The following ZNF804A variants were observed in gnomAD, a reference collection of about 807,000 sequenced individuals.
The protein encoded by ZNF804A is zinc finger protein 804A.
In ZNF804A, 2 loss-of-function variants were observed where a neutral mutation model predicts 16.5. That is an observed-to-expected ratio of 0.12 (90% CI 0.05 to 0.38). The LOEUF (loss-of-function observed/expected upper bound fraction) is 0.38, where lower values mean the gene tolerates loss of function less well. ZNF804A is among the 10% of genes least tolerant of loss of function. ZNF804A has a pLI of 0.99. For synonymous variants in ZNF804A, 534 were observed against 489.6 expected (o/e 1.09, Z -1.20); for missense variants, 1,473 against 1,390.7 (o/e 1.06, Z -0.94).
intron 1 of ZNF804A, among the ~76,000 whole-genome samples, chr2:184,601,789 T>G (rs555225469): frequency 6.6e-6 from 1 of 151,952 alleles, no homozygotes; most frequent in African/African-American, 2.4e-5. Context: ...AACATAAAAT[T>G]ACTCAGTGAA....
At chr2:184,933,444 A>G (rs1028225107) in intron 2 of ZNF804A, among the ~76,000 whole-genome samples, 159 bp from the exon 3 acceptor site, 2 of 152,218 alleles carry the variant, frequency 1.3e-5, no homozygotes, top group Non-Finnish European at 2.9e-5. Flanking sequence ...CCAAAATGCG[A>G]GAAAATATTT....
chr2:184,621,405 C>G (rs1160666398), intron 1 of ZNF804A, among the ~76,000 whole-genome samples: 2 of 151,566 alleles, frequency 1.3e-5, no homozygotes, highest in African/African-American at 2.4e-5. Flanking sequence ...ATCCATGTAT[C>G]CATATTTCTA....
intron 2 of ZNF804A, among the ~76,000 whole-genome samples, chr2:184,905,155 TAACTG>T (rs1168730548): frequency 6.6e-6 from 1 of 152,010 alleles, no homozygotes; most frequent in Non-Finnish European, 1.5e-5. Flanking sequence ...ACCAAGTCAG[TAACTG>T]AACACATAAA....
At chr2:184,654,912 G>A (rs1692049473) in intron 1 of ZNF804A, among the ~76,000 whole-genome samples, 1 of 152,110 alleles carries the variant, frequency 6.6e-6, no homozygotes, top group Non-Finnish European at 1.5e-5. Context: ...TCCTTATGGT[G>A]ATGTACCTTG....
At chr2:184,645,695 G>T (rs1031901164) in intron 1 of ZNF804A, among the ~76,000 whole-genome samples, 5 of 152,146 alleles carry the variant, frequency 3.3e-5, no homozygotes, top group Non-Finnish European at 7.4e-5. Context: ...AAAGATGGGG[G>T]ATTAGAGGCT....
chr2:184,795,959 T>TA (rs550136422), intron 1 of ZNF804A, among the ~76,000 whole-genome samples: 14 of 152,220 alleles, frequency 9.2e-5, no homozygotes, highest in Middle Eastern at 3.4e-3. Context: ...GCTTTTTTTT[T>TA]ACATCTATTG....
intron 1 of ZNF804A, among the ~76,000 whole-genome samples, chr2:184,836,588 T>C (rs977200292): frequency 2.6e-5 from 4 of 152,038 alleles, no homozygotes; most frequent in Admixed American, 6.6e-5. Flanking sequence ...AATTGTGTTC[T>C]TAAAATCAAT....
At chr2:184,801,040 G>T (rs1293951172) in intron 1 of ZNF804A, among the ~76,000 whole-genome samples, 1 of 151,834 alleles carries the variant, frequency 6.6e-6, no homozygotes, top group African/African-American at 2.4e-5. Context: ...TTTTTATACT[G>T]TTGAGAATGT....
intron 1 of ZNF804A, among the ~76,000 whole-genome samples, chr2:184,726,267 C>A (rs1693407967): frequency 6.6e-6 from 1 of 151,578 alleles, no homozygotes. Flanking sequence ...TGAGTTTATC[C>A]ACATAAGTTT....
In ZNF804A at chr2:184,939,140, A is replaced by C; in HGVS notation, c.*114A>C. ...CTGGTGGAAATAAACTGGCCGATAC[A>C]TGGCGTCATTGGTTTGAAATCATTT... On this transcript the variant is annotated 3_prime_UTR_variant, in exon 4 of 4. Transcript: ENST00000302277. 7.5e-7 allele frequency: 1 copy of C among 1,330,926 alleles called. No individual in the cohort carries two copies. The highest frequency in any genetic ancestry group is 1.0e-6 in the Non-Finnish European group (1 of 975,156). 82.4% of individuals were successfully genotyped at this position (1,330,926 alleles called of 1,614,324 possible).
At chr2:184,906,960 T>C (rs1336042224) in intron 2 of ZNF804A, among the ~76,000 whole-genome samples, 1 of 152,136 alleles carries the variant, frequency 6.6e-6, no homozygotes, top group East Asian at 1.9e-4. Context: ...CAGCATGCAG[T>C]AGATAAGGGA....
chr2:184,691,568 C>T (rs1692725734), intron 1 of ZNF804A, among the ~76,000 whole-genome samples: 1 of 151,658 alleles, frequency 6.6e-6, no homozygotes, highest in African/African-American at 2.4e-5. Flanking sequence ...TCAGCACAAA[C>T]TGATATTTCT....
chr2:184,862,574 C>A (rs1467601549), intron 1 of ZNF804A, among the ~76,000 whole-genome samples: 10 of 152,112 alleles, frequency 6.6e-5, no homozygotes, highest in Admixed American at 4.6e-4. Flanking sequence ...ACAGAACACA[C>A]AAATATATCA....
rs569927460 is a variant in ZNF804A at position 184,920,783 on chromosome 2, A to C, written c.256-12820A>C. On this transcript the variant is annotated intron_variant, in intron 2 of 3. Coordinates refer to ENST00000302277, the MANE Select transcript of ZNF804A (RefSeq NM_194250.2). ...TTGGAATGGCCTTGGCTGACAGCCAATAAGAAGCCCAGGCTCTCAGTCCTA... is the reference window on the plus strand; with the variant it reads ...TTGGAATGGCCTTGGCTGACAGCCACTAAGAAGCCCAGGCTCTCAGTCCTA... Among the ~76,000 whole-genome samples the C allele has an allele frequency of 1.3e-5, 2 of 152,208 alleles. 1 individual carries two copies. Among genetic ancestry groups the C allele is most frequent in the East Asian group, 3.9e-4 (2 of 5,190 alleles).
intron 1 of ZNF804A, among the ~76,000 whole-genome samples, chr2:184,791,548 G>A (rs1574214339): frequency 6.6e-6 from 1 of 151,680 alleles, no homozygotes; most frequent in African/African-American, 2.4e-5. Flanking sequence ...TATTTTTAGA[G>A]CAGTTTTAGG....
chr2:184,741,882 G>C (rs1287679354), intron 1 of ZNF804A, among the ~76,000 whole-genome samples: 1 of 152,006 alleles, frequency 6.6e-6, no homozygotes, highest in Non-Finnish European at 1.5e-5. Context: ...CAGTGTACAA[G>C]TAATTAGAAT....
At chr2:184,790,765 G>T (rs1000070697) in intron 1 of ZNF804A, among the ~76,000 whole-genome samples, 1 of 151,796 alleles carries the variant, frequency 6.6e-6, no homozygotes, top group African/African-American at 2.4e-5. Context: ...CACAACGCCC[G>T]GCTAATTTTT....
intron 2 of ZNF804A, among the ~76,000 whole-genome samples, chr2:184,910,092 G>A (rs943321817): frequency 6.6e-6 from 1 of 151,844 alleles, no homozygotes; most frequent in Non-Finnish European, 1.5e-5. Flanking sequence ...CATTACCCAG[G>A]TAGTGAACAT....
chr2:184,775,529 T>A (rs1479939841), intron 1 of ZNF804A, among the ~76,000 whole-genome samples: 2 of 151,726 alleles, frequency 1.3e-5, no homozygotes, highest in African/African-American at 4.8e-5. Context: ...CAGCGCTATC[T>A]TACATGAATG....
Sources: gnomAD v4.1 joint callset for allele counts (sites outside exome capture counted in the v4.1 genomes callset) on GRCh38, gnomAD v4.1.1 for gene constraint, MANE v1.5 for transcripts, NCBI Gene and HGNC (gene_info 2026-07-23, HGNC 2026-07-21) for gene names.